The following TANC2 variants were observed in gnomAD, a reference collection of about 807,000 sequenced individuals.
TANC2 encodes the protein protein TANC2.
Under a neutral mutation model 210.5 loss-of-function variants are expected in TANC2, and 26 were observed. The ratio of observed to expected loss-of-function variants is 0.12; its 90% CI spans 0.09 to 0.17. The LOEUF is 0.17. Among genes scored for constraint, TANC2 ranks in the 10% least tolerant of loss-of-function variants. The pLI is 1.00. For missense variants in TANC2, 2,129 were observed against 2,608.9 expected (o/e 0.82, Z 4.01); for synonymous variants, 931 against 967.1 (o/e 0.96, Z 0.69).
chr17:63,164,445 A>T (rs1457800300), intron 5 of TANC2, among the ~76,000 whole-genome samples: 1 of 152,218 alleles, frequency 6.6e-6, no homozygotes, highest in Non-Finnish European at 1.5e-5. Flanking sequence ...AGGAAACTGA[A>T]GCTATAACTG....
At chr17:63,011,642 G>A (rs1010447794) in intron 2 of TANC2, among the ~76,000 whole-genome samples, 1 of 152,126 alleles carries the variant, frequency 6.6e-6, no homozygotes, top group African/African-American at 2.4e-5. Context: ...TGTTCCTGGT[G>A]AATTGACCTT....
chr17:63,292,888 C>A (rs2044423164), intron 9 of TANC2, among the ~76,000 whole-genome samples: 1 of 152,116 alleles, frequency 6.6e-6, no homozygotes, highest in South Asian at 2.1e-4. Context: ...AGCAGCTAGC[C>A]TAAGCTTGCA....
At chr17:63,411,914 G>C (rs1274788264) in intron 22 of TANC2, 84 bp from the exon 23 acceptor site, 2 of 1,564,820 alleles carry the variant, frequency 1.3e-6, no homozygotes, top group Non-Finnish European at 1.7e-6. Context: ...AGTTGAAAAA[G>C]GGCAGGCAGC....
chr17:63,200,397 T>C (rs908324971), intron 6 of TANC2, among the ~76,000 whole-genome samples: 4 of 150,744 alleles, frequency 2.7e-5, no homozygotes, highest in Non-Finnish European at 5.9e-5. Context: ...AAGAAAATTA[T>C]TAACAAGGCA....
chr17:62,992,731 A>G lies in TANC2; in HGVS notation c.-23-16806A>G, dbSNP rs534564030. 4.5e-4 allele frequency among the ~76,000 whole-genome samples: 69 copies of G among 152,342 alleles called. No individual in the cohort carries two copies. In the South Asian group the frequency reaches 8.3e-3, roughly 18 times the overall value. On this transcript the variant is annotated intron_variant, in intron 1 of 27. Coordinates refer to ENST00000689528, the Ensembl canonical transcript of TANC2. ...TTATAGACACTTGAGACATTGTTAT[A>G]TGCTTCTGTAACATATGACATATGT...
chr17:63,099,171 A>C lies in TANC2; in HGVS notation c.140-4A>C. 6.2e-7 allele frequency: 1 copy of C among 1,609,864 alleles called. No homozygotes were observed. Among genetic ancestry groups the C allele is most frequent in the South Asian group, 1.1e-5 (1 of 90,234 alleles). ...AGCTCTTTTGTTCCATCCCCTTCTAACAGGTGGCATCTCCACAGAAAGCGA... is the reference window on the plus strand; with the variant it reads ...AGCTCTTTTGTTCCATCCCCTTCTACCAGGTGGCATCTCCACAGAAAGCGA... On this transcript the variant is annotated splice_region_variant and splice_polypyrimidine_tract_variant and intron_variant, in intron 3 of 27. Transcript: ENST00000689528.
At chr17:63,401,858 T>C (rs764700313) in intron 19 of TANC2, among the ~76,000 whole-genome samples, 2 of 152,210 alleles carry the variant, frequency 1.3e-5, no homozygotes, top group Non-Finnish European at 2.9e-5. Flanking sequence ...AACCAGAGTT[T>C]ACGACATAAA....
intron 3 of TANC2, among the ~76,000 whole-genome samples, chr17:63,086,334 A>G (rs981157913): frequency 1.3e-5 from 2 of 151,962 alleles, no homozygotes; most frequent in Admixed American, 6.6e-5. Context: ...TGTTATTCCC[A>G]TTATGCATAT....
At chr17:63,291,555 G>A (rs186597345) in intron 9 of TANC2, among the ~76,000 whole-genome samples, 107 of 152,306 alleles carry the variant, frequency 7.0e-4, no homozygotes, top group African/African-American at 2.5e-3. Flanking sequence ...GGGTAGCAGT[G>A]TAGGGATGGA....
intron 7 of TANC2, among the ~76,000 whole-genome samples, chr17:63,204,380 A>G (rs1212651245): frequency 6.6e-6 from 1 of 152,180 alleles, no homozygotes; most frequent in Non-Finnish European, 1.5e-5. Context: ...GGATTGGAAG[A>G]CTTGCTATTG....
intron 2 of TANC2, among the ~76,000 whole-genome samples, chr17:63,012,644 CTTTGT>C (rs937366766): frequency 3.3e-5 from 5 of 152,014 alleles, no homozygotes; most frequent in Non-Finnish European, 7.4e-5. Flanking sequence ...GAATAACACC[CTTTGT>C]TTTGTTTTAT....
intron 3 of TANC2, among the ~76,000 whole-genome samples, chr17:63,082,333 A>G (rs1466483951): frequency 6.6e-6 from 1 of 152,196 alleles, no homozygotes; most frequent in South Asian, 2.1e-4. Context: ...GAAGGTATCT[A>G]TTGGTAAAGC....
chr17:63,231,121 A>AAG (rs2042464590), intron 7 of TANC2, among the ~76,000 whole-genome samples: 1 of 152,104 alleles, frequency 6.6e-6, no homozygotes, highest in South Asian at 2.1e-4. Context: ...TTTGCTTGGT[A>AAG]AGTTTCCCTC....
chr17:63,335,686 G>C (rs2046003037), intron 11 of TANC2, among the ~76,000 whole-genome samples: 1 of 151,232 alleles, frequency 6.6e-6, no homozygotes, highest in Non-Finnish European at 1.5e-5. Flanking sequence ...GAAGACTAAA[G>C]AAAAATAACT....
intron 4 of TANC2, among the ~76,000 whole-genome samples, chr17:63,113,737 G>A (rs1196392063): frequency 2.0e-5 from 3 of 152,032 alleles, no homozygotes; most frequent in African/African-American, 7.2e-5. Flanking sequence ...TAAAGTCCTG[G>A]GCTCAAGCAA....
At chr17:63,246,281 G>T (rs1259127373) in intron 8 of TANC2, among the ~76,000 whole-genome samples, 2 of 150,046 alleles carry the variant, frequency 1.3e-5, no homozygotes, top group Non-Finnish European at 3.0e-5. Flanking sequence ...AGCAGTCTGT[G>T]TGTGGATTTT....
At chr17:63,268,549 T>G (rs1385106860) in intron 9 of TANC2, among the ~76,000 whole-genome samples, 3 of 152,202 alleles carry the variant, frequency 2.0e-5, no homozygotes, top group African/African-American at 7.2e-5. Context: ...TCAAAACACT[T>G]CTGATCCCAA....
At chr17:63,070,620 G>GT (rs1312615262) in intron 2 of TANC2, among the ~76,000 whole-genome samples, 1 of 152,010 alleles carries the variant, frequency 6.6e-6, no homozygotes, top group Non-Finnish European at 1.5e-5. Flanking sequence ...GTCACTCCTA[G>GT]TTTTTGTAGG....
intron 1 of TANC2, among the ~76,000 whole-genome samples, chr17:62,986,855 C>T (rs1568297157): frequency 6.6e-6 from 1 of 152,050 alleles, no homozygotes; most frequent in Non-Finnish European, 1.5e-5. Flanking sequence ...AGAGCTGTTC[C>T]TCAGGCCTGA....
Sources: allele counts gnomAD v4.1 joint callset (sites outside exome capture counted in the v4.1 genomes callset), GRCh38; gene constraint gnomAD v4.1.1; transcripts MANE v1.5; gene names NCBI Gene and HGNC (gene_info 2026-07-23, HGNC 2026-07-21).